DOCK10: variants seen among roughly 807,000 people sequenced by gnomAD.
DOCK10 encodes the protein dedicator of cytokinesis 10, also known as dedicator of cytokinesis protein 10.
Under a neutral mutation model 280.1 loss-of-function variants are expected in DOCK10, and 145 were observed. The ratio of observed to expected loss-of-function variants is 0.52; its 90% confidence interval spans 0.45 to 0.59. The LOEUF is 0.59. Among genes scored for constraint, DOCK10 ranks in the 20% least tolerant of loss-of-function variants. DOCK10 has a pLI of 0.00. For synonymous variants in DOCK10, 915 were observed against 942.2 expected, an observed-to-expected ratio of 0.97 and a Z score of 0.53; for missense variants, 2,368 against 2,651.7, an observed-to-expected ratio of 0.89 and a Z score of 2.35.
At chr2:224,994,575 C>T (rs1382908775) in intron 1 of DOCK10, among the ~76,000 whole-genome samples, 1 of 152,202 alleles carries the variant, frequency 6.6e-6, no homozygotes, top group Non-Finnish European at 1.5e-5. Context: ...TTCTTTCTAG[C>T]AGCTTCTATC....
At chr2:224,922,853 T>C (rs1362231290) in intron 2 of DOCK10, among the ~76,000 whole-genome samples, 1 of 152,244 alleles carries the variant, frequency 6.6e-6, no homozygotes, top group East Asian at 1.9e-4. Context: ...AATGATGGTG[T>C]TTAAAGTAAT....
At chr2:224,787,235 A>G (rs757404093) in intron 49 of DOCK10, 40 bp downstream of exon 49, 8 of 1,612,868 alleles carry the variant, frequency 5.0e-6, no homozygotes, top group Non-Finnish European at 6.8e-6. Flanking sequence ...AATTCAACAT[A>G]GGATATTTTA....
intron 18 of DOCK10, 56 bp from the exon 19 acceptor site, chr2:224,849,655 G>T: frequency 7.8e-7 from 1 of 1,279,926 alleles, no homozygotes. Context: ...ATCCCTGGGT[G>T]AAAAAAAAGT....
At chr2:225,019,546 G>GTGCTCC (rs1279932911) in intron 1 of DOCK10, among the ~76,000 whole-genome samples, 1 of 150,186 alleles carries the variant, frequency 6.7e-6, no homozygotes, top group African/African-American at 2.5e-5. Flanking sequence ...CCCATTTCTG[G>GTGCTCC]TGCTCCTGGC....
Position 224,840,071 on chromosome 2 carries a change from T to G in DOCK10, c.2663A>C (p.Asn888Thr). Residue 888 changes from asparagine to threonine, a missense_variant and splice_region_variant, in exon 24 of 56, where the codon AAC becomes ACC. Physicochemically the swap from Asn to Thr is moderately conservative, Grantham distance 65 (BLOSUM62 0). Coordinates refer to ENST00000258390, the MANE Select transcript of DOCK10 (RefSeq NM_014689.3). ...PTSNFIRSCKNLLNVEKIHAI... is the reference protein window; with the variant it reads ...PTSNFIRSCKTLLNVEKIHAI... Reference sequence around the variant, plus strand: ...ATGAATCTTTTCCACATTCAATAAGTTCTGTAGTAAATTGGCAGAAAAAAA... The same window carrying G: ...ATGAATCTTTTCCACATTCAATAAGGTCTGTAGTAAATTGGCAGAAAAAAA... 1 of 1,478,488 alleles carries G rather than the reference T, an allele frequency of 6.8e-7. No individual in the cohort carries two copies. The allele number at this position is 1,478,488 out of a possible 1,614,324, so 91.6% of individuals were successfully genotyped here.
intron 4 of DOCK10, among the ~76,000 whole-genome samples, chr2:224,894,225 C>CGGGATT (rs1699858781): frequency 6.6e-6 from 1 of 152,000 alleles, no homozygotes. Context: ...CAATAATGTC[C>CGGGATT]GGGATTGGTT....
intron 11 of DOCK10, among the ~76,000 whole-genome samples, chr2:224,867,161 C>T (rs1441253472): frequency 6.6e-6 from 1 of 151,972 alleles, no homozygotes; most frequent in East Asian, 1.9e-4. Context: ...CCAGTTAGTT[C>T]ATGTTTATAC....
Position 224,794,986 on chromosome 2 carries a change from C to T in DOCK10, c.5047G>A (p.Asp1683Asn), listed in dbSNP as rs1411963198. 1 of 1,613,896 alleles carries T rather than the reference C, an allele frequency of 6.2e-7. No homozygotes were observed. Among genetic ancestry groups the T allele is most frequent in the Non-Finnish European group, 8.5e-7 (1 of 1,179,842 alleles). ...GAGTTTGCCAGGCTGTACTGGAGAT[C>T]CACCAGCATCTCGGGGTCCTTCTCG... ...EHEKDPEMLV[D>N]LQYSLANSYA... is the part of the protein sequence containing the mutation. Residue 1683 changes from aspartate to asparagine, a missense_variant, in exon 45 of 56, where the codon GAT (aspartate) becomes AAT (asparagine). Physicochemically the swap from Asp to Asn is conservative, Grantham distance 23. Transcript: ENST00000258390.
At chr2:224,830,125 G>A (rs1407800144) in intron 27 of DOCK10, among the ~76,000 whole-genome samples, 4 of 152,176 alleles carry the variant, frequency 2.6e-5, no homozygotes, top group African/African-American at 7.2e-5. Flanking sequence ...GGTCCTGGAG[G>A]CCGATGGCCT....
At chr2:224,783,565 C>T (rs979741741) in intron 50 of DOCK10, among the ~76,000 whole-genome samples, 5 of 152,018 alleles carry the variant, frequency 3.3e-5, no homozygotes, top group South Asian at 2.1e-4. Context: ...TGAGCCACCG[C>T]GCCCAGCCTT....
intron 1 of DOCK10, among the ~76,000 whole-genome samples, chr2:224,946,573 G>A (rs141227444): frequency 1.1e-4 from 17 of 152,196 alleles, no homozygotes; most frequent in African/African-American, 3.9e-4. Flanking sequence ...ATAATACTAA[G>A]ATCACCTTAA....
At chr2:224,871,487 T>C (rs1698283853) in intron 11 of DOCK10, among the ~76,000 whole-genome samples, 2 of 152,170 alleles carry the variant, frequency 1.3e-5, no homozygotes, top group Admixed American at 1.3e-4. Flanking sequence ...CTTGGACAAC[T>C]CTTGTTTTTA....
At chr2:224,891,422 T>A (rs984201809) in intron 4 of DOCK10, among the ~76,000 whole-genome samples, 2 of 152,216 alleles carry the variant, frequency 1.3e-5, no homozygotes, top group African/African-American at 2.4e-5. Flanking sequence ...CCCTGATATT[T>A]TTGAAGAATA....
At chr2:224,981,090 T>C (rs1324245721) in intron 1 of DOCK10, among the ~76,000 whole-genome samples, 1 of 152,076 alleles carries the variant, frequency 6.6e-6, no homozygotes, top group East Asian at 1.9e-4. Flanking sequence ...AAAACAAAGA[T>C]TTCTTTGACA....
chr2:224,923,740 CAA>C (rs1385814963), intron 2 of DOCK10, among the ~76,000 whole-genome samples: 1 of 152,240 alleles, frequency 6.6e-6, no homozygotes, highest in African/African-American at 2.4e-5. Flanking sequence ...TCTGCCTCTC[CAA>C]AAGTCTTTTT....
chr2:225,035,572 A>ATTATATATATATATATAT (rs397869895), intron 1 of DOCK10, among the ~76,000 whole-genome samples: 3 of 69,956 alleles, frequency 4.3e-5, no homozygotes, highest in Admixed American at 3.4e-4. Flanking sequence ...ATATATATAT[A>ATTATATATATATATATAT]TATATATATA....
chr2:224,935,439 A>G (rs554945417), intron 1 of DOCK10, among the ~76,000 whole-genome samples: 5 of 152,344 alleles, frequency 3.3e-5, no homozygotes, highest in East Asian at 1.9e-4. Context: ...GGAAAAATCC[A>G]AAGTATAAAG....
intron 2 of DOCK10, among the ~76,000 whole-genome samples, chr2:224,927,661 T>A (rs1702109797): frequency 6.6e-6 from 1 of 152,182 alleles, no homozygotes; most frequent in Admixed American, 6.5e-5. Context: ...GCATTCTAAA[T>A]CAACTTGCTT....
At position 224,864,482 on chromosome 2, in the gene DOCK10, C is replaced by G. The variant is rs528816141; in HGVS notation, c.1602+71G>C. 4 of 1,420,334 alleles carry G rather than the reference C, an allele frequency of 2.8e-6. No individual in the cohort carries two copies. The South Asian group carries it at 6.0e-5, about 21-fold the overall frequency. The allele number at this position is 1,420,334 out of a possible 1,614,324, so 88.0% of individuals were successfully genotyped here. A position where few individuals can be genotyped will look rare whatever the true frequency, so the allele number is the denominator to read the frequency against. On this transcript the variant is annotated intron_variant, in intron 13 of 55. Coordinates refer to ENST00000258390, the MANE Select transcript of DOCK10 (RefSeq NM_014689.3). The stretch of plus-strand genomic sequence containing the variant: ...CTGCGATTGTGCCACTGCACTCCAG[C>G]CTGGGTGACAGGGAGAGACTCTATT...
Sources: gnomAD v4.1 joint callset for allele counts (sites outside exome capture counted in the v4.1 genomes callset) on GRCh38, gnomAD v4.1.1 for gene constraint, MANE v1.5 for transcripts, NCBI Gene and HGNC (gene_info 2026-07-23, HGNC 2026-07-21) for gene names.